Variants in ADD3 observed in about 807,000 individuals in gnomAD.
ADD3 encodes gamma-adducin.
Under a neutral mutation model 80.2 loss-of-function variants are expected in ADD3, and 25 were observed. The ratio of observed to expected loss-of-function variants is 0.31; its 90% CI spans 0.23 to 0.44. The LOEUF (loss-of-function observed/expected upper bound fraction) is 0.44. Ranked by LOEUF, ADD3 falls within the 20% of genes least tolerant of loss-of-function variation. The probability of loss-of-function intolerance (pLI) is 1.00; values close to 1 mark genes in which losing one functional copy is unlikely to be tolerated. For synonymous variants in ADD3, 284 were observed against 289.6 expected (o/e 0.98, Z 0.20); for missense variants, 829 against 847.5 (o/e 0.98, Z 0.27).
At chr10:110,071,189 C>T (rs1844661109) in intron 1 of ADD3, among the ~76,000 whole-genome samples, 1 of 152,028 alleles carries the variant, frequency 6.6e-6, no homozygotes. Context: ...AAAATGATGT[C>T]TCATAGTTGG....
chr10:110,017,955 A>G (rs993532487), intron 1 of ADD3, among the ~76,000 whole-genome samples: 4 of 152,160 alleles, frequency 2.6e-5, no homozygotes, highest in Admixed American at 6.5e-5. Context: ...TTGCAGTTAA[A>G]TGATGGTTTT....
At chr10:110,118,790 G>C (rs41291890) in intron 6 of ADD3, 54 bp downstream of exon 6, 17,710 of 1,554,310 alleles carry the variant, frequency 0.011, 128 homozygotes, top group Non-Finnish European at 0.014. Context: ...TATTATTTTT[G>C]TGGCTTTCTC....
At chr10:110,106,729 A>G (rs909560515) in intron 2 of ADD3, among the ~76,000 whole-genome samples, 1 of 152,066 alleles carries the variant, frequency 6.6e-6, no homozygotes, top group African/African-American at 2.4e-5. Context: ...TTTTTTTACC[A>G]TACTTTTTGG....
chr10:110,021,705 G>A (rs979713633), intron 1 of ADD3, among the ~76,000 whole-genome samples: 3 of 152,168 alleles, frequency 2.0e-5, no homozygotes, highest in Non-Finnish European at 4.4e-5. Flanking sequence ...GAGCTGCAGG[G>A]AGGGGGAAAT....
At chr10:110,132,806 A>C (rs1403773764) in intron 14 of ADD3, 1 of 163,838 alleles carries the variant, frequency 6.1e-6, no homozygotes, top group Non-Finnish European at 1.3e-5. Context: ...GGGCGCCTGT[A>C]GTCCCAGCTA....
At chr10:110,086,362 A>G (rs1301082260) in intron 1 of ADD3, among the ~76,000 whole-genome samples, 1 of 152,164 alleles carries the variant, frequency 6.6e-6, no homozygotes, top group East Asian at 1.9e-4. Context: ...GTGAGCCGAG[A>G]TCATGCCACT....
chr10:110,132,457 C>G (rs1216503783), intron 14 of ADD3, 57 bp downstream of exon 14: 3 of 1,234,224 alleles, frequency 2.4e-6, no homozygotes, highest in Non-Finnish European at 3.5e-6. Flanking sequence ...GTCTGTCCCT[C>G]TGTGTTTTGT....
intron 1 of ADD3, among the ~76,000 whole-genome samples, chr10:110,064,324 C>T (rs1302966924): frequency 6.6e-6 from 1 of 152,060 alleles, no homozygotes; most frequent in Admixed American, 6.6e-5. Flanking sequence ...GGCCAGTTTC[C>T]CAAAGTATTT....
intron 1 of ADD3, among the ~76,000 whole-genome samples, chr10:110,062,675 A>G (rs1256931998): frequency 6.6e-6 from 1 of 152,242 alleles, no homozygotes; most frequent in East Asian, 1.9e-4. Flanking sequence ...ATTTTAATAA[A>G]TTAGTGAAGA....
At chr10:110,055,747 T>C (rs1397678862) in intron 1 of ADD3, among the ~76,000 whole-genome samples, 1 of 152,208 alleles carries the variant, frequency 6.6e-6, no homozygotes, top group South Asian at 2.1e-4. Flanking sequence ...TTAGTCTATG[T>C]ATTGGAGCTA....
chr10:110,060,735 A>G (rs1263091504), intron 1 of ADD3, among the ~76,000 whole-genome samples: 5 of 152,200 alleles, frequency 3.3e-5, no homozygotes, highest in Non-Finnish European at 5.9e-5. Context: ...ATTTTTTGAC[A>G]TTTGGACAGA....
At chr10:110,013,173 G>A (rs1224373570) in intron 1 of ADD3, among the ~76,000 whole-genome samples, 1 of 152,172 alleles carries the variant, frequency 6.6e-6, no homozygotes, top group Non-Finnish European at 1.5e-5. Context: ...TGTGACCTCG[G>A]CACACTGCAA....
At chr10:110,083,711 C>T (rs1193220745) in intron 1 of ADD3, among the ~76,000 whole-genome samples, 1 of 152,026 alleles carries the variant, frequency 6.6e-6, no homozygotes, top group East Asian at 1.9e-4. Flanking sequence ...GATGGGACTT[C>T]CTGGATGCTT....
At chr10:110,105,375 TAAA>T (rs1849291072) in intron 2 of ADD3, among the ~76,000 whole-genome samples, 1 of 152,154 alleles carries the variant, frequency 6.6e-6, no homozygotes, top group African/African-American at 2.4e-5. Flanking sequence ...TTTTCAAAGT[TAAA>T]GAAGCATATA....
At chr10:110,130,559 G>C in intron 13 of ADD3, 73 bp downstream of exon 13, 1 of 1,531,414 alleles carries the variant, frequency 6.5e-7, no homozygotes, top group Non-Finnish European at 8.9e-7. Flanking sequence ...TTGGATGATA[G>C]AAAGCAGTCA....
At chr10:110,059,247 G>A (rs541003355) in intron 1 of ADD3, among the ~76,000 whole-genome samples, 1 of 152,320 alleles carries the variant, frequency 6.6e-6, no homozygotes, top group South Asian at 2.1e-4. Context: ...TGAGGCAGTT[G>A]AATCACTTGA....
intron 2 of ADD3, among the ~76,000 whole-genome samples, chr10:110,111,236 G>A (rs1849967985): frequency 6.6e-6 from 1 of 152,160 alleles, no homozygotes; most frequent in Non-Finnish European, 1.5e-5. Flanking sequence ...GGGGGAAATG[G>A]AGCTTAATTT....
intron 1 of ADD3, among the ~76,000 whole-genome samples, chr10:110,046,778 C>T (rs1486251652): frequency 6.6e-6 from 1 of 152,056 alleles, no homozygotes; most frequent in Non-Finnish European, 1.5e-5. Flanking sequence ...ATGCCTTGTA[C>T]ATAATAGTTG....
At chr10:110,063,712 T>G (rs1340987306) in intron 1 of ADD3, among the ~76,000 whole-genome samples, 1 of 118,920 alleles carries the variant, frequency 8.4e-6, no homozygotes, top group Non-Finnish European at 1.8e-5. Flanking sequence ...CAGTACAGCT[T>G]GATGAATATG....
Sources: gnomAD v4.1 joint callset for allele counts (sites outside exome capture counted in the v4.1 genomes callset) on GRCh38, gnomAD v4.1.1 for gene constraint, MANE v1.5 for transcripts, NCBI Gene and HGNC (gene_info 2026-07-23, HGNC 2026-07-21) for gene names.